Variants in ANO7 observed in about 807,000 individuals in gnomAD.
The protein encoded by ANO7 is anoctamin 7.
In ANO7, 114 loss-of-function variants were observed where a neutral mutation model predicts 115.8. The observed-to-expected ratio is 0.98, with a 90% CI of 0.85 to 1.15. ANO7 has a LOEUF of 1.15. ANO7 is among the 50% of genes most tolerant of loss of function. The probability of loss-of-function intolerance (pLI) is 0.00; values close to 1 mark genes in which losing one functional copy is unlikely to be tolerated. For synonymous variants in ANO7, 550 were observed against 498.2 expected (o/e 1.10, Z -1.38); for missense variants, 1,302 against 1,201.2 (o/e 1.08, Z -1.24).
chr2:241,221,338 A>G (rs1005008191), intron 21 of ANO7, among the ~76,000 whole-genome samples: 17 of 151,564 alleles, frequency 1.1e-4, no homozygotes, highest in African/African-American at 3.9e-4. Flanking sequence ...GGCCTCCCAA[A>G]GTGCTGGGAT....
chr2:241,213,736 AC>A (rs2068764818), intron 17 of ANO7, among the ~76,000 whole-genome samples: 1 of 152,046 alleles, frequency 6.6e-6, no homozygotes, highest in Non-Finnish European at 1.5e-5. Flanking sequence ...CTGCTGAGTG[AC>A]CCCTGGCCTG....
chr2:241,192,424 G>A (rs2149103960), intron 3 of ANO7, among the ~76,000 whole-genome samples: 1 of 152,330 alleles, frequency 6.6e-6, no homozygotes, highest in South Asian at 2.1e-4. Flanking sequence ...GTGAGGCAGG[G>A]CTGGTGGCTT....
chr2:241,238,847 T>C, the ANO7 span: 1 of 1,390,780 alleles, frequency 7.2e-7, no homozygotes, highest in East Asian at 2.4e-5. This position sits in a 1 kb window ranked among gnomAD's most constrained non-coding sequence, Gnocchi z 4.9. Flanking sequence ...TTAGGGCAAG[T>C]TTTACAGCAC....
rs758800409 is a variant in ANO7, at chr2:241,190,135, G to T, written c.72G>T (p.Lys24Asn). The T allele has an allele frequency of 3.2e-6, 5 of 1,577,314 alleles. No individual in the cohort carries two copies. In the Admixed American group the frequency reaches 5.5e-5, roughly 17 times the overall value. ...ATGTGAGCCCCCCTGAGGCAGAGAAGAGGGGCTCTTACGGGAGCACAGCCC... is the reference window on the plus strand; with the variant it reads ...ATGTGAGCCCCCCTGAGGCAGAGAATAGGGGCTCTTACGGGAGCACAGCCC... Reference protein sequence around the residue: ...LIDVSPPEAEKRGSYGSTAHA... With the variant: ...LIDVSPPEAENRGSYGSTAHA... Residue 24 changes from lysine to asparagine, a missense_variant, in exon 2 of 25, where the codon AAG (lysine) becomes AAT (asparagine). Physicochemically the swap from Lys to Asn is moderately conservative, Grantham distance 94. Coordinates refer to ENST00000674324, the MANE Select transcript of ANO7 (RefSeq NM_001370694.2).
chr2:241,202,139 C>A, intron 7 of ANO7, 55 bp from the exon 8 acceptor site: 1 of 1,500,016 alleles, frequency 6.7e-7, no homozygotes. Flanking sequence ...CTAGGACTTC[C>A]CTGTTCTGCT....
intron 1 of ANO7, 141 bp from the exon 2 acceptor site, chr2:241,189,916 T>A (rs2068150525): frequency 1.6e-6 from 1 of 606,834 alleles, no homozygotes; most frequent in Non-Finnish European, 2.8e-6. Flanking sequence ...GCCAGGAGAG[T>A]CTGCCGAGCC....
intron 21 of ANO7, among the ~76,000 whole-genome samples, chr2:241,220,730 G>T (rs1035613776): frequency 3.3e-5 from 5 of 152,230 alleles, no homozygotes; most frequent in African/African-American, 1.2e-4. Context: ...AATCCAGGAG[G>T]CAGAGCTTTC....
the ANO7 span, chr2:241,238,636 A>G: frequency 1.4e-4 from 217 of 1,551,190 alleles, no homozygotes; most frequent in Non-Finnish European, 1.7e-4. The surrounding 1 kb of genome is among the most constrained non-coding windows in gnomAD (Gnocchi z 4.9). Flanking sequence ...AGCAGGGCTA[A>G]TGGGGGACCC....
chr2:241,209,858 G>A (rs2068681095), intron 13 of ANO7, among the ~76,000 whole-genome samples: 1 of 152,154 alleles, frequency 6.6e-6, no homozygotes, highest in African/African-American at 2.4e-5. Flanking sequence ...CCCCGTGGGT[G>A]CGGGCATGGG....
rs150460065 is a variant in ANO7, at chr2:241,212,837, A to AC, written c.1728+213dup. On this transcript the variant is annotated intron_variant, in intron 17 of 24. Transcript: ENST00000674324. ...CCCGATATGCCCCATTCAGAACCAC[A>AC]CCAAAACACTCCAGGCCGGGCACAG... 2,014 of 558,404 alleles carry AC rather than the reference A, an allele frequency of 3.6e-3. 36 individuals are homozygous for AC. The highest frequency in any genetic ancestry group is 0.033 in the African/African-American group (1,749 of 52,650). The allele number at this position is 558,404 out of a possible 1,614,324, so 34.6% of individuals were successfully genotyped here.
chr2:241,223,638 G>GT (rs764104908), intron 22 of ANO7, 24 bp from the exon 23 acceptor site: 3 of 1,608,238 alleles, frequency 1.9e-6, no homozygotes, highest in South Asian at 2.2e-5. Context: ...TTGGGTGGGC[G>GT]TGAGTGCCTT....
At chr2:241,239,514 C>T in the ANO7 span, 1 of 1,087,302 alleles carries the variant, frequency 9.2e-7, no homozygotes, top group South Asian at 1.4e-5. The surrounding 1 kb of genome is among the most constrained non-coding windows in gnomAD (Gnocchi z 4.6). Context: ...GAGTCACCTC[C>T]CTACAGGGTG....
the ANO7 span, chr2:241,239,718 C>T: frequency 3.1e-6 from 5 of 1,614,216 alleles, no homozygotes; most frequent in East Asian, 2.2e-5. This position sits in a 1 kb window ranked among gnomAD's most constrained non-coding sequence, Gnocchi z 4.6. Context: ...ACCATCACCC[C>T]GCCATACTCT....
intron 2 of ANO7, 68 bp downstream of exon 2, chr2:241,190,239 C>G: frequency 7.3e-7 from 1 of 1,375,770 alleles, no homozygotes; most frequent in Non-Finnish European, 9.9e-7. Flanking sequence ...ATGCCCCCAC[C>G]CTGGGCCCAG....
downstream of ANO7, among the ~76,000 whole-genome samples, chr2:241,227,067 T>G (rs1186517291): frequency 6.6e-6 from 1 of 152,148 alleles, no homozygotes; most frequent in African/African-American, 2.4e-5. Flanking sequence ...AACTGCTGAC[T>G]GTCTGGCAGC....
the ANO7 span, chr2:241,239,697 G>A: frequency 6.2e-7 from 1 of 1,614,182 alleles, no homozygotes; most frequent in South Asian, 1.1e-5. The surrounding 1 kb of genome is among the most constrained non-coding windows in gnomAD (Gnocchi z 4.6). Flanking sequence ...GTGCCAGAGC[G>A]TGGGAAGCTG....
chr2:241,235,842 G>A, the ANO7 span, among the ~76,000 whole-genome samples: 4 of 152,160 alleles, frequency 2.6e-5, no homozygotes, highest in South Asian at 2.1e-4. Flanking sequence ...AATTACAGCA[G>A]CCCCTTCAGG....
chr2:241,236,948 C>T, the ANO7 span, among the ~76,000 whole-genome samples: 2 of 145,056 alleles, frequency 1.4e-5, no homozygotes, highest in South Asian at 2.2e-4. Flanking sequence ...GACGTCCCCA[C>T]AGCAGCCTCA....
chr2:241,189,546 G>A (rs930810876), intron 1 of ANO7, among the ~76,000 whole-genome samples: 1 of 152,148 alleles, frequency 6.6e-6, no homozygotes, highest in Non-Finnish European at 1.5e-5. Flanking sequence ...AGAGTTGTGA[G>A]GCCGGGCTCC....
Sources: gnomAD v4.1 joint callset for allele counts (sites outside exome capture counted in the v4.1 genomes callset) on GRCh38, gnomAD v4.1.1 for gene constraint, Gnocchi (gnomAD v3.1) non-coding constraint, MANE v1.5 for transcripts, NCBI Gene and HGNC (gene_info 2026-07-23, HGNC 2026-07-21) for gene names.